The following SPATA13 variants were observed in gnomAD, a reference collection of about 807,000 sequenced individuals.
SPATA13 encodes the protein spermatogenesis-associated protein 13.
In SPATA13, 50 loss-of-function variants were observed where a neutral mutation model predicts 104.0. That is an observed-to-expected ratio of 0.48 (90% CI 0.38 to 0.61). The LOEUF (loss-of-function observed/expected upper bound fraction) is 0.61. SPATA13 is among the 20% of genes least tolerant of loss of function. SPATA13 has a pLI of 0.00. For missense variants in SPATA13, 1,524 were observed against 1,690.6 expected (o/e 0.90, Z 1.73); for synonymous variants, 606 against 667.5 (o/e 0.91, Z 1.42).
Position 24,246,656 on chromosome 13 carries a change from G to A in SPATA13, c.1654-2821G>A, listed in dbSNP as rs569306233. Among the ~76,000 whole-genome samples, 97 of 152,216 alleles carry A rather than the reference G, an allele frequency of 6.4e-4. 1 individual carries two copies. The highest frequency in any genetic ancestry group is 2.7e-3 in the South Asian group (13 of 4,824). ...GGGTGGATCATGAGGTCAGGAGTTC[G>A]AGACCATTCTGGCCAACATGGTGAA... On this transcript the variant is annotated intron_variant, in intron 2 of 12. Coordinates refer to ENST00000382108, the MANE Select transcript of SPATA13 (RefSeq NM_001166271.3).
At chr13:24,016,032 T>C (rs1876697715) in intron 2 of SPATA13, among the ~76,000 whole-genome samples, 1 of 152,092 alleles carries the variant, frequency 6.6e-6, no homozygotes, top group Non-Finnish European at 1.5e-5. Context: ...GCTGCAATAG[T>C]GTGAGCCACA....
chr13:23,995,009 CTG>C (rs1443487673), intron 2 of SPATA13, among the ~76,000 whole-genome samples: 2 of 152,234 alleles, frequency 1.3e-5, no homozygotes, highest in South Asian at 4.2e-4. Context: ...AGTGTCGTGA[CTG>C]TGTGTGTGAT....
chr13:24,035,648 G>A (rs1004161501), intron 3 of SPATA13, among the ~76,000 whole-genome samples: 1 of 151,746 alleles, frequency 6.6e-6, no homozygotes, highest in Non-Finnish European at 1.5e-5. Flanking sequence ...GTGTCACTGA[G>A]TTGTACTTAG....
At chr13:24,067,719 T>G (rs1302031974) in intron 3 of SPATA13, among the ~76,000 whole-genome samples, 3 of 152,208 alleles carry the variant, frequency 2.0e-5, no homozygotes. Flanking sequence ...TTTGTTTTGT[T>G]TTTGAGATGG....
Position 24,160,741 on chromosome 13 carries a change from G to C in SPATA13, c.-303G>C. On this transcript the variant is annotated 5_prime_UTR_variant, in exon 1 of 13. Coordinates refer to ENST00000382108, the MANE Select transcript of SPATA13 (RefSeq NM_001166271.3). ...GGCTGAGTGTGCTGCCGCGGCGCGG[G>C]AGGAGAGTGTGCGTTGCGCTTTCTC... 1.0e-6 allele frequency: 1 copy of C among 985,632 alleles called. No homozygotes were observed. Among genetic ancestry groups the C allele is most frequent in the Non-Finnish European group, 1.2e-6 (1 of 830,142 alleles). The allele number at this position is 985,632 out of a possible 1,614,324, so 61.1% of individuals were successfully genotyped here. A position where few individuals can be genotyped will look rare whatever the true frequency, so the allele number is the denominator to read the frequency against.
intron 3 of SPATA13, among the ~76,000 whole-genome samples, chr13:24,060,133 A>G (rs1388004746): frequency 6.6e-6 from 1 of 152,250 alleles, no homozygotes; most frequent in Non-Finnish European, 1.5e-5. Flanking sequence ...AATCCTAAGC[A>G]AAAAGGACAA....
At chr13:24,106,148 C>T (rs910801666) in intron 3 of SPATA13, among the ~76,000 whole-genome samples, 10 of 152,180 alleles carry the variant, frequency 6.6e-5, no homozygotes, top group Non-Finnish European at 1.5e-4. Flanking sequence ...ACCCTCCTGC[C>T]CCAGCCTCCC....
chr13:24,264,035 C>T (rs1184160884), intron 4 of SPATA13, among the ~76,000 whole-genome samples: 1 of 152,190 alleles, frequency 6.6e-6, no homozygotes, highest in African/African-American at 2.4e-5. Context: ...AGCTCCATAG[C>T]AGTTATCTTA....
At chr13:24,212,949 C>T (rs1395049487) in intron 1 of SPATA13, among the ~76,000 whole-genome samples, 3 of 152,324 alleles carry the variant, frequency 2.0e-5, no homozygotes, top group Middle Eastern at 6.8e-3. Context: ...GGCATGTGGC[C>T]GGTGGTTTAG....
At chr13:24,140,619 C>T (rs74042709) in intron 3 of SPATA13, among the ~76,000 whole-genome samples, 3,022 of 152,238 alleles carry the variant, frequency 0.02, 124 homozygotes, top group African/African-American at 0.069. Flanking sequence ...TTGTGCGTGT[C>T]CTTCTGAGAC....
At chr13:24,114,829 A>G (rs1258050304) in intron 3 of SPATA13, among the ~76,000 whole-genome samples, 1 of 151,928 alleles carries the variant, frequency 6.6e-6, no homozygotes, top group Non-Finnish European at 1.5e-5. Flanking sequence ...CGCCTGGCTA[A>G]TTTTGTATTT....
intron 5 of SPATA13, among the ~76,000 whole-genome samples, chr13:24,285,928 G>A (rs557384518): frequency 6.8e-4 from 104 of 152,214 alleles, no homozygotes; most frequent in African/African-American, 2.4e-3. Context: ...TGATCCACCC[G>A]CCTTGGCCTC....
chr13:24,101,959 G>A (rs1281130755), intron 3 of SPATA13, among the ~76,000 whole-genome samples: 3 of 152,200 alleles, frequency 2.0e-5, no homozygotes, highest in Admixed American at 2.0e-4. Context: ...GCGAATATCT[G>A]CTCAAGACCT....
At chr13:24,225,038 C>A (rs376422802) in intron 2 of SPATA13, among the ~76,000 whole-genome samples, 1 of 152,248 alleles carries the variant, frequency 6.6e-6, no homozygotes, top group Non-Finnish European at 1.5e-5. Flanking sequence ...TGTCACAGCA[C>A]CTGTGGGTGT....
chr13:24,079,840 G>A, intron 3 of SPATA13, among the ~76,000 whole-genome samples: 1 of 152,048 alleles, frequency 6.6e-6, no homozygotes, highest in East Asian at 1.9e-4. Context: ...CACCTTTTGG[G>A]CCTTACTTGA....
Position 24,284,213 on chromosome 13 carries a change from T to G in SPATA13, c.2243T>G (p.Leu748Arg). The change falls in exon 5 of 13, where the codon CTC becomes CGC. Residue 748 changes from leucine to arginine, a missense_variant. Leu to Arg is a moderately radical substitution (Grantham distance 102). Around this residue, in one of 2 missense-constraint regions of SPATA13, gnomAD observed 1,089 missense variants for 1,135.9 expected, o/e 0.96. Transcript: ENST00000382108. ...GAGGAGGACTTCAGCTATGAAGACC[T>G]CTGCCAGGCCAGCCCTCGGTACCTG... ...GSEEDFSYEDLCQASPRYLQP... is the reference protein window; with the variant it reads ...GSEEDFSYEDRCQASPRYLQP... The G allele has an allele frequency of 1.2e-6, 2 of 1,613,794 alleles. No individual in the cohort carries two copies. Among genetic ancestry groups the G allele is most frequent in the South Asian group, 2.2e-5 (2 of 91,018 alleles).
chr13:24,185,391 CTG>C (rs60451001), intron 1 of SPATA13, among the ~76,000 whole-genome samples: 3,355 of 152,190 alleles, frequency 0.022, 139 homozygotes, highest in African/African-American at 0.076. Flanking sequence ...TGATTCAAGA[CTG>C]TAATTTATTC....
chr13:24,193,094 G>C (rs1869863193), intron 1 of SPATA13, among the ~76,000 whole-genome samples: 1 of 152,218 alleles, frequency 6.6e-6, no homozygotes, highest in South Asian at 2.1e-4. Flanking sequence ...AGGGACAGGA[G>C]CCACTGAGCA....
At chr13:24,145,996 T>G (rs1294443535) in intron 3 of SPATA13, among the ~76,000 whole-genome samples, 3 of 152,092 alleles carry the variant, frequency 2.0e-5, no homozygotes, top group African/African-American at 7.2e-5. Context: ...CAGCTGAATG[T>G]GGTGAGGAGT....
Sources: gnomAD v4.1 joint callset for allele counts (sites outside exome capture counted in the v4.1 genomes callset) on GRCh38, gnomAD v4.1.1 for gene constraint, gnomAD v4.1.1 regional missense constraint, MANE v1.5 for transcripts, NCBI Gene and HGNC (gene_info 2026-07-23, HGNC 2026-07-21) for gene names.